CHIA: variants seen among roughly 807,000 people sequenced by gnomAD.
The protein encoded by CHIA is acidic mammalian chitinase.
Under a neutral mutation model 53.5 loss-of-function variants are expected in CHIA, and 47 were observed. That is an observed-to-expected ratio of 0.88 (90% CI 0.70 to 1.12). The LOEUF (loss-of-function observed/expected upper bound fraction) is 1.12. Among genes scored for constraint, CHIA ranks in the 50% most tolerant of loss-of-function variants. The pLI is 0.00. For synonymous variants in CHIA, 268 were observed against 222.2 expected, an observed-to-expected ratio of 1.21 and a Z score of -1.83; for missense variants, 652 against 592.2, an observed-to-expected ratio of 1.10 and a Z score of -1.05.
At position 111,312,277 on chromosome 1, in the gene CHIA, C is replaced by A. The variant is rs769888097; in HGVS notation, c.143C>A (p.Pro48His). Residue 48 changes from proline (P) to histidine (H), a missense_variant, in exon 4 of 12, where the codon CCC (proline) becomes CAC (histidine). Pro to His is a moderately conservative substitution (Grantham distance 77). Transcript: ENST00000369740. The part of the protein sequence containing the change: ...LGRFMPDNID[P>H]CLCTHLIYAF... ...CGCTTCATGCCTGACAACATCGACC[C>A]CTGCCTCTGTACCCACCTGATCTAC... 1.2e-6 allele frequency: 2 copies of A among 1,613,974 alleles called. No homozygotes were observed. Among genetic ancestry groups the A allele is most frequent in the Non-Finnish European group, 1.7e-6 (2 of 1,179,926 alleles).
intron 1 of CHIA, among the ~76,000 whole-genome samples, chr1:111,304,438 C>A (rs1297388711): frequency 3.3e-5 from 5 of 152,006 alleles, no homozygotes; most frequent in African/African-American, 4.8e-5. Context: ...AATTTGTTTT[C>A]TTTCTGTTCC....
intron 11 of CHIA, 38 bp downstream of exon 11, chr1:111,319,506 C>G (rs12094386): frequency 1.9e-6 from 3 of 1,604,322 alleles, no homozygotes; most frequent in Admixed American, 1.7e-5. Context: ...TGTATAAATA[C>G]CCCTTCTCCA....
chr1:111,298,868 A>C (rs1334267563), intron 1 of CHIA, among the ~76,000 whole-genome samples: 1 of 152,216 alleles, frequency 6.6e-6, no homozygotes, highest in Non-Finnish European at 1.5e-5. Context: ...AAAAGAAAGA[A>C]GAATCAAATA....
In CHIA at chr1:111,314,532, T is replaced by C. The variant is rs2786152; in HGVS notation, c.258-8T>C. On this transcript the variant is annotated splice_polypyrimidine_tract_variant and splice_region_variant and intron_variant, in intron 4 of 11. Transcript: ENST00000369740. Reference sequence around the variant, plus strand: ...GAAGTTTATCTGTTTCTATCCTTTGTTTTACAGGAACAGCCAGCTGAAAAC... The same window carrying C: ...GAAGTTTATCTGTTTCTATCCTTTGCTTTACAGGAACAGCCAGCTGAAAAC... 0.69 allele frequency: 1,100,155 copies of C among 1,595,620 alleles called. 384,978 individuals are homozygous for C. Among genetic ancestry groups the C allele is most frequent in the African/African-American group, 0.77 (57,450 of 74,542 alleles).
rs556435746 is a variant in CHIA, at chr1:111,296,679, G to A, written c.-69+5729G>A. 1.8e-4 allele frequency among the ~76,000 whole-genome samples: 27 copies of A among 152,282 alleles called. No homozygotes were observed. The South Asian group carries it at 3.5e-3, about 20-fold the overall frequency. ...AGCACCTCTTATCCTCCAAAGGATCGCATCTACTTGCCAGCAACGGAACAA... is the reference window on the plus strand; with the variant it reads ...AGCACCTCTTATCCTCCAAAGGATCACATCTACTTGCCAGCAACGGAACAA... On this transcript the variant is annotated intron_variant, in intron 1 of 11. Coordinates refer to ENST00000369740, the MANE Select transcript of CHIA (RefSeq NM_201653.4).
intron 1 of CHIA, among the ~76,000 whole-genome samples, chr1:111,309,381 A>G (rs1361367472): frequency 1.3e-5 from 2 of 152,242 alleles, no homozygotes; most frequent in African/African-American, 4.8e-5. Context: ...ATTCCCGCCA[A>G]CTGCATTCCT....
At chr1:111,311,814 G>A in intron 3 of CHIA, 96 bp downstream of exon 3, 1 of 1,309,888 alleles carries the variant, frequency 7.6e-7, no homozygotes, top group Non-Finnish European at 1.1e-6. Flanking sequence ...CAGACAGATG[G>A]GTTTGATTTG....
At chr1:111,292,571 T>G (rs1571255814) in intron 1 of CHIA, among the ~76,000 whole-genome samples, 2 of 152,224 alleles carry the variant, frequency 1.3e-5, no homozygotes, top group African/African-American at 4.8e-5. Context: ...TAAAAATGTT[T>G]TTCTTGTGGT....
rs766465219 is a variant in CHIA, at chr1:111,310,471, A to G, written c.4A>G (p.Thr2Ala). The change falls in exon 2 of 12, where the codon ACA (threonine) becomes GCA (alanine). Residue 2 changes from threonine (T) to alanine (A), a missense_variant. Physicochemically the swap from Thr to Ala is moderately conservative, Grantham distance 58 (BLOSUM62 0). Coordinates refer to ENST00000369740, the MANE Select transcript of CHIA (RefSeq NM_201653.4). ...GGGACTGGTGCTGACTGCAACCATG[A>G]CAAAGCTTATTCTCCTCACAGGTGG... M[T>A]KLILLTGLVL... The G allele has an allele frequency of 1.2e-6, 2 of 1,614,222 alleles. No homozygotes were observed. Among genetic ancestry groups the G allele is most frequent in the East Asian group, 4.5e-5 (2 of 44,888 alleles).
intron 4 of CHIA, among the ~76,000 whole-genome samples, chr1:111,313,554 C>T (rs1374745338): frequency 6.6e-6 from 1 of 152,146 alleles, no homozygotes; most frequent in African/African-American, 2.4e-5. Context: ...TACTAACTAA[C>T]TCCTTACTTG....
In CHIA at chr1:111,297,901, C is replaced by CAAAAAAAAAAAAAAAAAAAAAA. The variant is rs1188512345; in HGVS notation, c.-69+6954_-69+6975dup. Reference sequence around the variant, plus strand: ...GAAGATCTACCAAGCAAATGGAAAGCAAAAAAAAAAAAAAAAAAAAAAAAC... The same window carrying CAAAAAAAAAAAAAAAAAAAAAA: ...GAAGATCTACCAAGCAAATGGAAAGCAAAAAAAAAAAAAAAAAAAAAAAAAAAAAAAAAAAAAAAAAAAAAAC... On this transcript the variant is annotated intron_variant, in intron 1 of 11. Transcript: ENST00000369740. Among the ~76,000 whole-genome samples the CAAAAAAAAAAAAAAAAAAAAAA allele has an allele frequency of 7.5e-4, 24 of 31,846 alleles. 1 individual carries two copies. Among genetic ancestry groups the CAAAAAAAAAAAAAAAAAAAAAA allele is most frequent in the African/African-American group, 1.0e-3 (7 of 6,858 alleles). 20.9% of individuals were successfully genotyped at this position (31,846 alleles called of 152,430 possible).
In CHIA at chr1:111,307,144, G is replaced by A. The variant is rs1030347203; in HGVS notation, c.-68-3256G>A. On this transcript the variant is annotated intron_variant, in intron 1 of 11. Transcript: ENST00000369740. ...GTTGTAAATGAGTACCAAGAGACAT[G>A]TGTACAGGAACGCTTATATAGCAGC... Among the ~76,000 whole-genome samples, 22 of 152,178 alleles carry A rather than the reference G, an allele frequency of 1.4e-4. 1 individual carries two copies. The highest frequency in any genetic ancestry group is 8.8e-5 in the Non-Finnish European group (6 of 68,032).
At position 111,311,361 on chromosome 1, in the gene CHIA, C is replaced by T. The variant is rs1054394436; in HGVS notation, c.26-328C>T. Among the ~76,000 whole-genome samples the T allele has an allele frequency of 3.3e-5, 5 of 152,154 alleles. No homozygotes were observed. In the South Asian group the frequency reaches 6.2e-4, roughly 19 times the overall value. On this transcript the variant is annotated intron_variant, in intron 2 of 11. Transcript: ENST00000369740. ...TTCTATCACTCAGGTAGGGGAAGAA[C>T]GAATGGATGTGTCATCATTGACTAC...
At chr1:111,294,126 G>A (rs1208762518) in intron 1 of CHIA, among the ~76,000 whole-genome samples, 1 of 151,950 alleles carries the variant, frequency 6.6e-6, no homozygotes. Flanking sequence ...ATTTCGATAG[G>A]GATTGCATTG....
intron 1 of CHIA, among the ~76,000 whole-genome samples, chr1:111,304,397 C>CAAGTTGGACCACTTGATGGTCCACTTG (rs1648010823): frequency 6.6e-6 from 1 of 152,124 alleles, no homozygotes; most frequent in Admixed American, 6.6e-5. Flanking sequence ...TGGCTTTTCA[C>CAAGTTGGACCACTTGATGGTCCACTTG]ATGTCCTTTA....
At chr1:111,319,057 G>T in intron 9 of CHIA, 63 bp from the exon 10 acceptor site, 1 of 1,558,580 alleles carries the variant, frequency 6.4e-7, no homozygotes, top group South Asian at 1.2e-5. Context: ...AGAAAAATTT[G>T]AAACATGTTT....
At position 111,318,667 on chromosome 1, in the gene CHIA, G is replaced by T; in HGVS notation, c.904G>T (p.Ala302Ser). 6.2e-7 allele frequency: 1 copy of T among 1,613,678 alleles called. No homozygotes were observed. The highest frequency in any genetic ancestry group is 8.5e-7 in the Non-Finnish European group (1 of 1,179,756). Reference protein sequence around the residue: ...GPYAKESGIWAYYEICTFLKN... With the variant: ...GPYAKESGIWSYYEICTFLKN... ...CTATGCCAAGGAGTCTGGGATCTGGGCTTACTACGAGGTATGTAGATTGGA... is the reference window on the plus strand; with the variant it reads ...CTATGCCAAGGAGTCTGGGATCTGGTCTTACTACGAGGTATGTAGATTGGA... The change falls in exon 9 of 12, where the codon GCT becomes TCT. Residue 302 changes from alanine (A) to serine (S), a missense_variant. Transcript: ENST00000369740.
chr1:111,310,307 T>C (rs1284159167), intron 1 of CHIA, 93 bp from the exon 2 acceptor site: 6 of 1,409,274 alleles, frequency 4.3e-6, no homozygotes, highest in Admixed American at 2.6e-5. Context: ...AGGGTGTAGG[T>C]TGAAGGTCTT....
intron 4 of CHIA, 50 bp downstream of exon 4, chr1:111,312,441 C>A: frequency 7.2e-7 from 1 of 1,385,814 alleles, no homozygotes; most frequent in Non-Finnish European, 1.0e-6. Context: ...CAGTACTTCC[C>A]AAACATTAAT....
Sources: gnomAD v4.1 joint callset for allele counts (sites outside exome capture counted in the v4.1 genomes callset) on GRCh38, gnomAD v4.1.1 for gene constraint, MANE v1.5 for transcripts, NCBI Gene and HGNC (gene_info 2026-07-23, HGNC 2026-07-21) for gene names.